ABTB3: variants seen among roughly 807,000 people sequenced by gnomAD.
The protein encoded by ABTB3 is ankyrin repeat- and BTB/POZ domain-containing protein 3.
chr12:107,383,892 C>T, the ABTB3 span, among the ~76,000 whole-genome samples: 1 of 152,140 alleles, frequency 6.6e-6, no homozygotes, highest in Admixed American at 6.5e-5. Flanking sequence ...CTGCTCAGGG[C>T]CTTTCATTGT....
chr12:107,437,327 A>G, the ABTB3 span, among the ~76,000 whole-genome samples: 20 of 152,074 alleles, frequency 1.3e-4, no homozygotes, highest in East Asian at 2.3e-3. Context: ...GCATTGCTCC[A>G]GTTTCTGCCT....
chr12:107,618,211 T>C, the ABTB3 span: 1 of 1,614,124 alleles, frequency 6.2e-7, no homozygotes, highest in Non-Finnish European at 8.5e-7. Flanking sequence ...AGTGATATCC[T>C]GTCCCTGGAG....
the ABTB3 span, among the ~76,000 whole-genome samples, chr12:107,328,330 T>A: frequency 6.6e-6 from 1 of 152,314 alleles, no homozygotes; most frequent in Admixed American, 6.5e-5. Context: ...AGGAGCAAAA[T>A]GACATAATGA....
the ABTB3 span, chr12:107,319,272 C>G: frequency 1.3e-6 from 2 of 1,548,626 alleles, no homozygotes; most frequent in South Asian, 2.3e-5. Flanking sequence ...CTGCTGCGTT[C>G]GCGGGATCCC....
the ABTB3 span, among the ~76,000 whole-genome samples, chr12:107,620,327 T>C: frequency 6.6e-6 from 1 of 152,184 alleles, no homozygotes; most frequent in Non-Finnish European, 1.5e-5. Context: ...ACCTGTGCAC[T>C]CATTTGTGGG....
At chr12:107,646,931 G>T in the ABTB3 span, among the ~76,000 whole-genome samples, 4 of 152,270 alleles carry the variant, frequency 2.6e-5, no homozygotes, top group South Asian at 8.3e-4. Flanking sequence ...ACAGAAGAAG[G>T]GGAGGGCATC....
the ABTB3 span, among the ~76,000 whole-genome samples, chr12:107,583,349 C>T: frequency 6.6e-6 from 1 of 152,160 alleles, no homozygotes; most frequent in Non-Finnish European, 1.5e-5. Context: ...CTCATAACAG[C>T]CTCAAAACAA....
the ABTB3 span, among the ~76,000 whole-genome samples, chr12:107,544,888 G>T: frequency 1.3e-5 from 2 of 152,276 alleles, no homozygotes; most frequent in South Asian, 2.1e-4. Flanking sequence ...CTTGGGAAAG[G>T]CATCTGCAAA....
At chr12:107,658,910 T>C in the ABTB3 span, 1 of 152,650 alleles carries the variant, frequency 6.6e-6, no homozygotes, top group African/African-American at 2.4e-5. Flanking sequence ...TCTGAGAGTG[T>C]ACAGTACAGG....
chr12:107,318,770 G>A, the ABTB3 span: 2 of 705,256 alleles, frequency 2.8e-6, no homozygotes, highest in Non-Finnish European at 2.3e-6. Flanking sequence ...TATTCCAGCG[G>A]CGGCAGTTCC....
At chr12:107,655,184 G>A in the ABTB3 span, among the ~76,000 whole-genome samples, 1 of 152,052 alleles carries the variant, frequency 6.6e-6, no homozygotes, top group East Asian at 1.9e-4. Flanking sequence ...TACTAATGTC[G>A]CCTGATGGGA....
the ABTB3 span, among the ~76,000 whole-genome samples, chr12:107,535,947 C>T: frequency 6.6e-6 from 1 of 152,002 alleles, no homozygotes; most frequent in Non-Finnish European, 1.5e-5. Context: ...ATAGCCAAAA[C>T]AATCCTAAGC....
the ABTB3 span, among the ~76,000 whole-genome samples, chr12:107,521,263 T>TTGTGTGTG: frequency 0.011 from 1,565 of 142,946 alleles, 13 homozygotes; most frequent in African/African-American, 0.014. Flanking sequence ...TTCATATAAG[T>TTGTGTGTG]TGTGTGTGTG....
At chr12:107,389,442 T>C in the ABTB3 span, among the ~76,000 whole-genome samples, 3 of 152,158 alleles carry the variant, frequency 2.0e-5, no homozygotes, top group Non-Finnish European at 2.9e-5. Flanking sequence ...TTATAAATGA[T>C]AGAGCCGGAC....
chr12:107,428,488 A>G, the ABTB3 span, among the ~76,000 whole-genome samples: 29 of 152,292 alleles, frequency 1.9e-4, no homozygotes, highest in African/African-American at 7.0e-4. Flanking sequence ...ATGCGAGTTA[A>G]GGAATAAACA....
the ABTB3 span, chr12:107,617,363 T>C: frequency 4.3e-6 from 7 of 1,614,154 alleles, no homozygotes; most frequent in Non-Finnish European, 5.1e-6. Context: ...AGGAACCATG[T>C]ACAGGAATGG....
chr12:107,636,214 C>T, the ABTB3 span, among the ~76,000 whole-genome samples: 2 of 152,166 alleles, frequency 1.3e-5, no homozygotes, highest in Non-Finnish European at 2.9e-5. Context: ...TTCCATCAGG[C>T]ACTAGGTTCT....
At chr12:107,408,226 G>T in the ABTB3 span, among the ~76,000 whole-genome samples, 2 of 152,192 alleles carry the variant, frequency 1.3e-5, no homozygotes, top group East Asian at 3.9e-4. Flanking sequence ...GGAGAGAAAG[G>T]CAGAGAAGTA....
At chr12:107,540,191 G>C in the ABTB3 span, among the ~76,000 whole-genome samples, 1 of 152,196 alleles carries the variant, frequency 6.6e-6, no homozygotes, top group Non-Finnish European at 1.5e-5. Context: ...CAAGATGCCA[G>C]CCAGGTCAAG....
Sources: gnomAD v4.1 joint callset for allele counts (sites outside exome capture counted in the v4.1 genomes callset) on GRCh38, gnomAD v4.1.1 for gene constraint, MANE v1.5 for transcripts, NCBI Gene and HGNC (gene_info 2026-07-23, HGNC 2026-07-21) for gene names.